NOTCH2: variants seen among roughly 807,000 people sequenced by gnomAD.
The protein encoded by NOTCH2 is neurogenic locus notch homolog protein 2.
In NOTCH2, 29 loss-of-function variants were observed where a neutral mutation model predicts 235.8. That is an observed-to-expected ratio of 0.12 (90% CI 0.09 to 0.17). The LOEUF (loss-of-function observed/expected upper bound fraction) is 0.17. NOTCH2 is among the 10% of genes least tolerant of loss of function. NOTCH2 has a pLI of 1.00. For synonymous variants in NOTCH2, 1,086 were observed against 1,141.5 expected (o/e 0.95, Z 0.98); for missense variants, 2,285 against 3,150.2 (o/e 0.73, Z 6.57).
intron 2 of NOTCH2, among the ~76,000 whole-genome samples, chr1:120,012,642 T>C (rs1433360271): frequency 6.6e-6 from 1 of 152,146 alleles, no homozygotes; most frequent in Non-Finnish European, 1.5e-5. Flanking sequence ...TGAACCCCTA[T>C]AGCACTGAAA....
At chr1:119,973,915 G>A (rs1651464521) in intron 5 of NOTCH2, among the ~76,000 whole-genome samples, 1 of 152,154 alleles carries the variant, frequency 6.6e-6, no homozygotes, top group Admixed American at 6.6e-5. Context: ...AGAAAAAGTG[G>A]GAGGTCATTG....
chr1:119,936,976 T>A lies in NOTCH2; in HGVS notation c.3522+306A>T, dbSNP rs190756030. ...CTATCTCAGCTGCTATTCAGGGAAG[T>A]GTGGACTGCTATGTTGGGTGGGCCT... is the stretch of plus-strand genomic sequence containing the variant. On this transcript the variant is annotated intron_variant, in intron 21 of 33. Coordinates refer to ENST00000256646, the MANE Select transcript of NOTCH2 (RefSeq NM_024408.4). Among the ~76,000 whole-genome samples, 2 of 152,092 alleles carry A rather than the reference T, an allele frequency of 1.3e-5. 1 individual carries two copies. The highest frequency in any genetic ancestry group is 1.3e-4 in the Admixed American group (2 of 15,280).
intron 4 of NOTCH2, chr1:119,995,965 C>T (rs1652430300): frequency 6.6e-6 from 1 of 152,444 alleles, no homozygotes. Flanking sequence ...ATCTAAGATT[C>T]CCACTCTGAA....
intron 8 of NOTCH2, among the ~76,000 whole-genome samples, chr1:119,966,823 T>G (rs1431352937): frequency 6.6e-6 from 1 of 152,214 alleles, no homozygotes; most frequent in Non-Finnish European, 1.5e-5. Context: ...CACTCTATGT[T>G]CCTAAAGACA....
intron 4 of NOTCH2, among the ~76,000 whole-genome samples, chr1:119,988,593 G>A (rs587659461): frequency 2.6e-5 from 4 of 152,214 alleles, no homozygotes; most frequent in Middle Eastern, 3.4e-3. Flanking sequence ...CAGAATCTAT[G>A]GGATCTACTA....
chr1:119,951,958 A>G (rs971950966), intron 14 of NOTCH2, among the ~76,000 whole-genome samples: 2 of 152,262 alleles, frequency 1.3e-5, no homozygotes, highest in Non-Finnish European at 2.9e-5. Flanking sequence ...ATGTAATACA[A>G]TATATCAGAA....
chr1:119,933,638 G>A (rs1247719828), intron 22 of NOTCH2, among the ~76,000 whole-genome samples: 1 of 152,152 alleles, frequency 6.6e-6, no homozygotes, highest in Non-Finnish European at 1.5e-5. Flanking sequence ...TCAAAGTGCT[G>A]AAAGAAAAAG....
chr1:119,967,629 A>G lies in NOTCH2; in HGVS notation c.1265-8T>C. 6.2e-7 allele frequency: 1 copy of G among 1,613,676 alleles called. No homozygotes were observed. The highest frequency in any genetic ancestry group is 8.5e-7 in the Non-Finnish European group (1 of 1,179,606). Reference sequence around the variant, plus strand: ...CACAAGGATTGCTATTGGCTGAAAGACACAAGTACCAATTACTGGGATCAA... The same window carrying G: ...CACAAGGATTGCTATTGGCTGAAAGGCACAAGTACCAATTACTGGGATCAA... On this transcript the variant is annotated splice_polypyrimidine_tract_variant and splice_region_variant and intron_variant, in intron 7 of 33. Transcript: ENST00000256646.
Position 119,912,817 on chromosome 1 carries a change from C to T in NOTCH2, c.*2489G>A, listed in dbSNP as rs1401401249. ...CAAGAGTTCTTAAAATCTAAGAGAT[C>T]AGTAAAAAGTTTGAAAGGCAGTGTT... On this transcript the variant is annotated 3_prime_UTR_variant, in exon 34 of 34. Transcript: ENST00000256646. The T allele has an allele frequency of 2.1e-5, 5 of 233,368 alleles. No homozygotes were observed. Among genetic ancestry groups the T allele is most frequent in the African/African-American group, 8.8e-5 (4 of 45,312 alleles). 14.5% of individuals were successfully genotyped at this position (233,368 alleles called of 1,614,324 possible). A position where few individuals can be genotyped will look rare whatever the true frequency, so the allele number is the denominator to read the frequency against.
intron 1 of NOTCH2, among the ~76,000 whole-genome samples, chr1:120,041,907 G>A: frequency 7.3e-6 from 1 of 137,708 alleles, no homozygotes; most frequent in South Asian, 2.5e-4. Flanking sequence ...GAGAGAGGAA[G>A]GGAAAGGGAA....
At chr1:120,003,003 T>C (rs1553205715) in intron 3 of NOTCH2, among the ~76,000 whole-genome samples, 1 of 149,722 alleles carries the variant, frequency 6.7e-6, no homozygotes, top group South Asian at 2.2e-4. Context: ...CTTGATTGAA[T>C]TGAAGGATAC....
chr1:119,996,937 C>G, intron 4 of NOTCH2, 60 bp downstream of exon 4: 1 of 1,578,190 alleles, frequency 6.3e-7, no homozygotes, highest in Non-Finnish European at 8.7e-7. Context: ...TGAGCCACAC[C>G]CACTACCTCC....
intron 1 of NOTCH2, among the ~76,000 whole-genome samples, chr1:120,067,578 TGAG>T (rs1449064762): frequency 2.6e-5 from 4 of 152,170 alleles, no homozygotes; most frequent in East Asian, 1.9e-4. Flanking sequence ...GCTTCATAGG[TGAG>T]GAGACTACAT....
intron 22 of NOTCH2, chr1:119,935,263 C>G: frequency 6.8e-7 from 1 of 1,473,754 alleles, no homozygotes; most frequent in Non-Finnish European, 8.9e-7. Context: ...GCCAAACAAC[C>G]AGATAAAACT....
Position 120,069,566 on chromosome 1 carries a change from G to A in NOTCH2, c.-160C>T, listed in dbSNP as rs1479781234. ...TCCGAAGCCCAGGCGCAAATGCCTC[G>A]ACTCCCCGCGCCCCGAGTCCGCCGC... is the stretch of plus-strand genomic sequence containing the variant. On this transcript the variant is annotated 5_prime_UTR_variant, in exon 1 of 34. Transcript: ENST00000256646. The A allele has an allele frequency of 2.1e-6, 3 of 1,410,682 alleles. No individual in the cohort carries two copies. Among genetic ancestry groups the A allele is most frequent in the Non-Finnish European group, 2.7e-6 (3 of 1,091,802 alleles). The allele number at this position is 1,410,682 out of a possible 1,614,324, so 87.4% of individuals were successfully genotyped here.
chr1:119,951,442 G>C (rs587609322), intron 14 of NOTCH2, among the ~76,000 whole-genome samples: 1 of 152,120 alleles, frequency 6.6e-6, no homozygotes, highest in Non-Finnish European at 1.5e-5. Flanking sequence ...GTGAGCCATC[G>C]CACCCAGCCA....
chr1:119,965,040 G>C (rs1477275743), intron 10 of NOTCH2, among the ~76,000 whole-genome samples: 2 of 152,204 alleles, frequency 1.3e-5, no homozygotes, highest in African/African-American at 4.8e-5. Context: ...CCCTGCACTT[G>C]TACACATTCA....
chr1:120,048,155 T>C (rs1238655052), intron 1 of NOTCH2, among the ~76,000 whole-genome samples: 7 of 144,534 alleles, frequency 4.8e-5, no homozygotes, highest in Non-Finnish European at 6.0e-5. Flanking sequence ...GCCAAGAAAA[T>C]AGTAGCTTAC....
intron 5 of NOTCH2, among the ~76,000 whole-genome samples, chr1:119,978,609 G>C (rs2101165786): frequency 6.6e-6 from 1 of 152,326 alleles, no homozygotes; most frequent in East Asian, 1.9e-4. Flanking sequence ...TCAGCCACTG[G>C]GTGGATTGCC....
Sources: gnomAD v4.1 joint callset for allele counts (sites outside exome capture counted in the v4.1 genomes callset) on GRCh38, gnomAD v4.1.1 for gene constraint, MANE v1.5 for transcripts, NCBI Gene and HGNC (gene_info 2026-07-23, HGNC 2026-07-21) for gene names.